Variants in SLC25A43 observed in about 807,000 individuals in gnomAD.
SLC25A43 encodes the protein solute carrier family 25, member 43.
A neutral mutation model predicts 22.8 loss-of-function variants in SLC25A43; 10 were observed. The ratio of observed to expected loss-of-function variants is 0.44; its 90% confidence interval spans 0.27 to 0.74. The LOEUF is 0.74. Ranked by LOEUF, SLC25A43 falls within the 30% of genes least tolerant of loss-of-function variation. The pLI, the probability that SLC25A43 is intolerant of heterozygous loss-of-function variation, is 0.17. For synonymous variants in SLC25A43, 106 were observed against 121.6 expected, an observed-to-expected ratio of 0.87 and a Z score of 0.84; for missense variants, 233 against 279.1, an observed-to-expected ratio of 0.83 and a Z score of 1.18.
chrX:119,413,694 G>A (rs1490732398), intron 3 of SLC25A43, among the ~76,000 whole-genome samples: 4 of 99,796 alleles, frequency 4.0e-5, no homozygotes, highest in African/African-American at 1.1e-4. Flanking sequence ...GCGACAGAGC[G>A]AGACTCCATC....
chrX:119,405,742 C>T (rs897331508), intron 1 of SLC25A43, among the ~76,000 whole-genome samples: 3 of 110,230 alleles, frequency 2.7e-5, no homozygotes, highest in Admixed American at 9.8e-5. Flanking sequence ...TGTACTTCTG[C>T]GTGGGCGATA....
At chrX:119,432,064 A>C (rs985237143) in intron 3 of SLC25A43, among the ~76,000 whole-genome samples, 1 of 108,656 alleles carries the variant, frequency 9.2e-6, no homozygotes, top group Admixed American at 9.9e-5. Context: ...AGGCAGGAGA[A>C]TCACTTGAAC....
chrX:119,399,799 C>A, intron 1 of SLC25A43, 121 bp downstream of exon 1: 1 of 805,396 alleles, frequency 1.2e-6, no homozygotes, highest in Non-Finnish European at 1.6e-6. Context: ...GCCCCCTTGT[C>A]GATCACCTGG....
intron 3 of SLC25A43, among the ~76,000 whole-genome samples, chrX:119,432,317 A>T (rs941387259): frequency 8.9e-6 from 1 of 112,030 alleles, no homozygotes; most frequent in Non-Finnish European, 1.9e-5. Flanking sequence ...GTTTAGATAA[A>T]CATAATTCTA....
chrX:119,417,394 C>G (rs755176321), intron 3 of SLC25A43, among the ~76,000 whole-genome samples: 79 of 110,878 alleles, frequency 7.1e-4, no homozygotes, highest in African/African-American at 2.5e-3. Context: ...CCACCACACT[C>G]CAGCCTGGGT....
In SLC25A43 at chrX:119,453,210, C is replaced by T. The variant is rs767138412; in HGVS notation, c.*145C>T. ...ATGAGATGGTTTGGCCATGCACCACCTCAGATCTCCAAACTGATGTCCCTG... is the reference window on the plus strand; with the variant it reads ...ATGAGATGGTTTGGCCATGCACCACTTCAGATCTCCAAACTGATGTCCCTG... On this transcript the variant is annotated 3_prime_UTR_variant, in exon 5 of 5. Transcript: ENST00000217909. The T allele has an allele frequency of 6.7e-5, 33 of 493,333 alleles. No homozygotes were observed. In the South Asian group the frequency reaches 9.7e-4, roughly 15 times the overall value. 40.7% of individuals were successfully genotyped at this position (493,333 alleles called of 1,213,427 possible). A position where few individuals can be genotyped will look rare whatever the true frequency, so the allele number is the denominator to read the frequency against.
rs758808277 is a variant in SLC25A43 at position 119,429,064 on chromosome X, CT to C, written c.690+18718del. On this transcript the variant is annotated intron_variant, in intron 3 of 4. Transcript: ENST00000217909. ...GTCAAAGGGCATATGTGTCTTACAT[CT>C]TTTTTTTTTTTTTTTGAGATGGAGT... Among the ~76,000 whole-genome samples, 430 of 96,978 alleles carry C rather than the reference CT, an allele frequency of 4.4e-3. 1 individual carries two copies. The highest frequency in any genetic ancestry group is 0.01 in the African/African-American group (275 of 26,428). 84.2% of individuals were successfully genotyped at this position (96,978 alleles called of 115,157 possible).
intron 3 of SLC25A43, among the ~76,000 whole-genome samples, chrX:119,421,694 C>T (rs1320495589): frequency 8.9e-6 from 1 of 111,981 alleles, no homozygotes; most frequent in Admixed American, 9.5e-5. Context: ...ATCCCCAAAA[C>T]AGCTGTCCTA....
chrX:119,443,411 G>C (rs954141179), intron 3 of SLC25A43, among the ~76,000 whole-genome samples: 1 of 105,779 alleles, frequency 9.5e-6, no homozygotes, highest in African/African-American at 3.5e-5. Flanking sequence ...GTGAGCCACC[G>C]CGCCCAGCCC....
chrX:119,426,456 T>G (rs192946803), intron 3 of SLC25A43: 165 of 114,765 alleles, frequency 1.4e-3, no homozygotes, highest in Non-Finnish European at 2.4e-3. Context: ...AATGCTAAGA[T>G]GCCATGTTTA....
At chrX:119,419,568 G>A (rs1454157217) in intron 3 of SLC25A43, among the ~76,000 whole-genome samples, 1 of 111,354 alleles carries the variant, frequency 9.0e-6, no homozygotes, top group Non-Finnish European at 1.9e-5. Context: ...ATCCCCTCTT[G>A]TAGTTTTTCA....
intron 3 of SLC25A43, among the ~76,000 whole-genome samples, chrX:119,420,951 C>G (rs1243070100): frequency 9.1e-6 from 1 of 109,806 alleles, no homozygotes; most frequent in East Asian, 2.9e-4. Flanking sequence ...TACTAAAACA[C>G]ACACAAAAAA....
chrX:119,451,439 C>A (rs746183494), intron 3 of SLC25A43, among the ~76,000 whole-genome samples: 2 of 111,639 alleles, frequency 1.8e-5, no homozygotes, highest in African/African-American at 3.3e-5. Context: ...GAAGAGTGGC[C>A]AGATTAGTAG....
intron 3 of SLC25A43, among the ~76,000 whole-genome samples, chrX:119,414,941 G>C: frequency 1.9e-5 from 1 of 51,333 alleles, no homozygotes; most frequent in Admixed American, 2.7e-4. Flanking sequence ...TTTTTTTTGA[G>C]ACGGAGTCAG....
chrX:119,434,802 A>G (rs185254384), intron 3 of SLC25A43: 1 of 96,270 alleles, frequency 1.0e-5, no homozygotes, highest in Non-Finnish European at 2.1e-5. Context: ...CTTGGGCAAC[A>G]TAGTGACACC....
At chrX:119,409,338 G>A (rs1449080759) in intron 2 of SLC25A43, among the ~76,000 whole-genome samples, 2 of 107,352 alleles carry the variant, frequency 1.9e-5, no homozygotes, top group African/African-American at 6.8e-5. Context: ...GCACCTCCAC[G>A]CCCAGTTACT....
chrX:119,451,112 G>T (rs894416157), intron 3 of SLC25A43, among the ~76,000 whole-genome samples: 2 of 111,628 alleles, frequency 1.8e-5, no homozygotes, highest in East Asian at 5.6e-4. Context: ...GCAGTGAGCC[G>T]AGATCATGCC....
At chrX:119,414,019 G>GT (rs2052375900) in intron 3 of SLC25A43, among the ~76,000 whole-genome samples, 1 of 111,857 alleles carries the variant, frequency 8.9e-6, no homozygotes, top group Non-Finnish European at 1.9e-5. Flanking sequence ...CAGAAAGGTT[G>GT]TAAGTTTGTA....
rs146551449 is a variant in SLC25A43, at chrX:119,407,015, C to T, written c.517+314C>T. Reference sequence around the variant, plus strand: ...TTCAGTGTACATACACATTGATATGCCATGAGGGCAACTAGGGTAGCAACT... The same window carrying T: ...TTCAGTGTACATACACATTGATATGTCATGAGGGCAACTAGGGTAGCAACT... On this transcript the variant is annotated intron_variant, in intron 2 of 4. Coordinates refer to ENST00000217909, the MANE Select transcript of SLC25A43 (RefSeq NM_145305.3). Among the ~76,000 whole-genome samples the T allele has an allele frequency of 2.6e-4, 29 of 113,161 alleles. 2 individuals carry two copies. In the East Asian group the frequency reaches 7.5e-3, roughly 29 times the overall value.
Sources: gnomAD v4.1 joint callset for allele counts (sites outside exome capture counted in the v4.1 genomes callset) on GRCh38, gnomAD v4.1.1 for gene constraint, MANE v1.5 for transcripts, NCBI Gene and HGNC (gene_info 2026-07-23, HGNC 2026-07-21) for gene names.